Variants in GLIS1 observed in about 807,000 individuals in gnomAD.
The protein encoded by GLIS1 is GLIS family zinc finger 1.
GLIS1 carries 24 observed loss-of-function variants against 63.8 expected under a neutral mutation model. The ratio of observed to expected loss-of-function variants is 0.38; its 90% confidence interval spans 0.27 to 0.53. The LOEUF is 0.53. Among genes scored for constraint, GLIS1 ranks in the 20% least tolerant of loss-of-function variants. The pLI, the probability that GLIS1 is intolerant of heterozygous loss-of-function variation, is 0.85. For synonymous variants in GLIS1, 450 were observed against 482.5 expected (o/e 0.93, Z 0.88); for missense variants, 1,036 against 1,074.1 (o/e 0.96, Z 0.50).
At chr1:53,619,882 T>G (rs1453028528) in intron 2 of GLIS1, among the ~76,000 whole-genome samples, 2 of 152,198 alleles carry the variant, frequency 1.3e-5, no homozygotes, top group Non-Finnish European at 2.9e-5. Flanking sequence ...CTGGGGCCAG[T>G]GGCCAAGTCA....
intron 4 of GLIS1, among the ~76,000 whole-genome samples, chr1:53,572,839 C>T (rs1644996497): frequency 1.3e-5 from 2 of 152,202 alleles, no homozygotes; most frequent in East Asian, 1.9e-4. Context: ...GCCCCAAGGC[C>T]TCCTGTCTCA....
intron 4 of GLIS1, among the ~76,000 whole-genome samples, chr1:53,591,990 C>T (rs1392980033): frequency 6.6e-6 from 1 of 152,236 alleles, no homozygotes; most frequent in African/African-American, 2.4e-5. Flanking sequence ...AACTCCATCC[C>T]AGGACCTGCC....
intron 2 of GLIS1, among the ~76,000 whole-genome samples, chr1:53,715,059 G>A (rs2100534448): frequency 6.6e-6 from 1 of 152,322 alleles, no homozygotes; most frequent in East Asian, 1.9e-4. Flanking sequence ...AGGGACTACA[G>A]GTGCATGCCA....
At chr1:53,662,353 C>A (rs1402791869) in intron 2 of GLIS1, among the ~76,000 whole-genome samples, 3 of 152,150 alleles carry the variant, frequency 2.0e-5, no homozygotes, top group Non-Finnish European at 2.9e-5. Context: ...GCATCCCTTG[C>A]CGTCTATTGA....
chr1:53,698,965 C>A (rs1010909544), intron 2 of GLIS1, among the ~76,000 whole-genome samples: 2 of 152,184 alleles, frequency 1.3e-5, no homozygotes, highest in Non-Finnish European at 2.9e-5. Context: ...TAAAAGGAGC[C>A]ACCCAAGAGT....
intron 2 of GLIS1, among the ~76,000 whole-genome samples, chr1:53,708,448 T>C (rs891929237): frequency 1.3e-5 from 2 of 152,134 alleles, no homozygotes; most frequent in Non-Finnish European, 2.9e-5. Context: ...TGAAATATAA[T>C]ATTATTATGT....
rs1644466412 is a variant in GLIS1, at chr1:53,526,134, AG to A, written c.1483-1248del. Reference sequence around the variant, plus strand: ...CTGCCCTGCTGGGACTGCAGGGGACAGGAGAAGGATTGGAGGAAATGACACC... The same window carrying A: ...CTGCCCTGCTGGGACTGCAGGGGACAGAGAAGGATTGGAGGAAATGACACC... On this transcript the variant is annotated intron_variant, in intron 5 of 10. Coordinates refer to ENST00000628545, the MANE Select transcript of GLIS1 (RefSeq NM_001367484.1). The surrounding 1 kb of genome is among the most constrained non-coding windows in gnomAD (Gnocchi z 4.4). Among the ~76,000 whole-genome samples the A allele has an allele frequency of 6.6e-6, 1 of 152,142 alleles. No homozygotes were observed. The highest frequency in any genetic ancestry group is 1.5e-5 in the Non-Finnish European group (1 of 68,010).
chr1:53,672,608 T>G (rs1361930569), intron 2 of GLIS1, among the ~76,000 whole-genome samples: 1 of 152,242 alleles, frequency 6.6e-6, no homozygotes, highest in Non-Finnish European at 1.5e-5. Flanking sequence ...CACAGAGCAG[T>G]GAGCTGGATT....
At chr1:53,622,427 CAAAAAAAAAAAAAAA>C (rs60923620) in intron 2 of GLIS1, among the ~76,000 whole-genome samples, 81,032 of 133,214 alleles carry the variant, frequency 0.61, 24,171 homozygotes, top group Middle Eastern at 0.74. Flanking sequence ...GACTATGTCT[CAAAAAAAAAAAAAAA>C]AAAAAAAAGA....
chr1:53,691,981 G>C lies in GLIS1; in HGVS notation c.259+45825C>G, dbSNP rs147009798. ...TGGACAGGAGTCGTGGAGGAGCGGG[G>C]AGTTCCACACCTATAATCTAACCTG... On this transcript the variant is annotated intron_variant, in intron 2 of 10. Transcript: ENST00000628545. Among the ~76,000 whole-genome samples, 9 of 152,190 alleles carry C rather than the reference G, an allele frequency of 5.9e-5. No individual in the cohort carries two copies. In the East Asian group the frequency reaches 1.7e-3, roughly 29 times the overall value.
At position 53,563,073 on chromosome 1, in the gene GLIS1, G is replaced by A. The variant is rs556999689; in HGVS notation, c.1320+31035C>T. On this transcript the variant is annotated intron_variant, in intron 4 of 10. Coordinates refer to ENST00000628545, the MANE Select transcript of GLIS1 (RefSeq NM_001367484.1). ...GGAGGTAAGGACAATCTCAGAGGAC[G>A]GGAGAAACAGAAGTAGAAATCCCAG... is the stretch of plus-strand genomic sequence containing the variant. Among the ~76,000 whole-genome samples the A allele has an allele frequency of 1.2e-3, 188 of 152,336 alleles. 1 individual carries two copies. The highest frequency in any genetic ancestry group is 2.0e-3 in the Non-Finnish European group (139 of 68,038).
intron 3 of GLIS1, among the ~76,000 whole-genome samples, chr1:53,596,534 G>A (rs1645256591): frequency 3.9e-5 from 6 of 152,218 alleles, no homozygotes; most frequent in Admixed American, 3.9e-4. Context: ...CTGCCAGATC[G>A]AGTGAGATGG....
chr1:53,697,338 C>T (rs1646475631), intron 2 of GLIS1, among the ~76,000 whole-genome samples: 1 of 152,264 alleles, frequency 6.6e-6, no homozygotes, highest in Non-Finnish European at 1.5e-5. Context: ...GAGGTTCTCA[C>T]TCTGCTGCCA....
chr1:53,563,857 A>C (rs532466751), intron 4 of GLIS1, among the ~76,000 whole-genome samples: 1 of 152,366 alleles, frequency 6.6e-6, no homozygotes, highest in Admixed American at 6.5e-5. Flanking sequence ...TTTTCTCTAC[A>C]ACAAAACAAA....
chr1:53,551,906 C>T lies in GLIS1; in HGVS notation c.1321-21954G>A, dbSNP rs192540969. 1.8e-3 allele frequency among the ~76,000 whole-genome samples: 272 copies of T among 152,190 alleles called. 1 individual carries two copies. The highest frequency in any genetic ancestry group is 7.1e-3 in the South Asian group (34 of 4,816). ...TGCCATATACTCCTTCTCCACACTTCGACATACATGTACCTAACTGCAGAA... is the reference window on the plus strand; with the variant it reads ...TGCCATATACTCCTTCTCCACACTTTGACATACATGTACCTAACTGCAGAA... On this transcript the variant is annotated intron_variant, in intron 4 of 10. Coordinates refer to ENST00000628545, the MANE Select transcript of GLIS1 (RefSeq NM_001367484.1).
chr1:53,669,318 G>A (rs1646127270), intron 2 of GLIS1, among the ~76,000 whole-genome samples: 1 of 152,248 alleles, frequency 6.6e-6, no homozygotes, highest in Non-Finnish European at 1.5e-5. Context: ...AGTGTGAGCA[G>A]AGCTCCATGT....
intron 2 of GLIS1, among the ~76,000 whole-genome samples, chr1:53,731,919 G>A (rs1187503556): frequency 1.3e-5 from 2 of 152,178 alleles, no homozygotes; most frequent in African/African-American, 4.8e-5. Context: ...TCAGCAGGCA[G>A]GGACTATGGA....
At chr1:53,570,564 A>G (rs1644975356) in intron 4 of GLIS1, among the ~76,000 whole-genome samples, 1 of 152,168 alleles carries the variant, frequency 6.6e-6, no homozygotes, top group Non-Finnish European at 1.5e-5. Flanking sequence ...ACTTTTTATG[A>G]AACTATGGTA....
At chr1:53,587,745 CCTT>C (rs1372817875) in intron 4 of GLIS1, among the ~76,000 whole-genome samples, 1 of 152,208 alleles carries the variant, frequency 6.6e-6, no homozygotes, top group Non-Finnish European at 1.5e-5. Context: ...ACTGAGGGCT[CCTT>C]GAGACCAGGC....
Sources: allele counts gnomAD v4.1 joint callset (sites outside exome capture counted in the v4.1 genomes callset), GRCh38; gene constraint gnomAD v4.1.1; non-coding constraint Gnocchi (gnomAD v3.1); transcripts MANE v1.5; gene names NCBI Gene and HGNC (gene_info 2026-07-23, HGNC 2026-07-21).